The following CELSR1 variants were observed in gnomAD, a reference collection of about 807,000 sequenced individuals.
The protein encoded by CELSR1 is adhesion G protein-coupled receptor C1.
A neutral mutation model predicts 249.1 loss-of-function variants in CELSR1; 110 were observed. The observed-to-expected ratio is 0.44, with a 90% CI of 0.38 to 0.52. The LOEUF is 0.52. CELSR1 is among the 20% of genes least tolerant of loss of function. The probability of loss-of-function intolerance (pLI) is 0.00; values close to 1 mark genes in which losing one functional copy is unlikely to be tolerated. For missense variants in CELSR1, 4,109 were observed against 4,296.4 expected, an observed-to-expected ratio of 0.96 and a Z score of 1.22; for synonymous variants, 2,113 against 1,900.0, an observed-to-expected ratio of 1.11 and a Z score of -2.92.
chr22:46,436,659 GCGCCAGGGCATGGGGACCTGGTA>G lies in CELSR1; in HGVS notation c.4407-393_4407-371del, dbSNP rs1471151686. 6.6e-6 allele frequency among the ~76,000 whole-genome samples: 1 copy of G among 152,128 alleles called. No homozygotes were observed. The highest frequency in any genetic ancestry group is 1.5e-5 in the Non-Finnish European group (1 of 68,038). On this transcript the variant is annotated intron_variant, in intron 3 of 34. Transcript: ENST00000674500. This position sits in a 1 kb window ranked among gnomAD's most constrained non-coding sequence, Gnocchi z 5.9. ...GCTGTGAACAGATCCCCCCGTGTGT[GCGCCAGGGCATGGGGACCTGGTA>G]CCTTCCCAGGCAGGGATGATGCTAT...
intron 2 of CELSR1, among the ~76,000 whole-genome samples, chr22:46,461,969 G>A (rs959447336): frequency 6.6e-6 from 1 of 152,234 alleles, no homozygotes; most frequent in Non-Finnish European, 1.5e-5. Context: ...GGGACCTGGG[G>A]AAGCTGACAC....
At chr22:46,422,513 TCA>T in intron 5 of CELSR1, among the ~76,000 whole-genome samples, 1 of 151,128 alleles carries the variant, frequency 6.6e-6, no homozygotes, top group Non-Finnish European at 1.5e-5. Flanking sequence ...GGGGGGCGGA[TCA>T]CGAGGTCAGG....
At chr22:46,400,522 G>C (rs146818508) in intron 9 of CELSR1, among the ~76,000 whole-genome samples, 3 of 151,686 alleles carry the variant, frequency 2.0e-5, no homozygotes, top group African/African-American at 7.3e-5. Context: ...CTGTAAGCCC[G>C]GCTACTCCGC....
At chr22:46,420,774 G>T (rs1048700935) in intron 5 of CELSR1, among the ~76,000 whole-genome samples, 2 of 152,150 alleles carry the variant, frequency 1.3e-5, no homozygotes, top group African/African-American at 4.8e-5. Flanking sequence ...TTGCCCTGAT[G>T]ACCTTTCTGA....
rs759770097 is a variant in CELSR1, at chr22:46,447,091, G to A, written c.4184-7680C>T. Among the ~76,000 whole-genome samples the A allele has an allele frequency of 4.1e-4, 62 of 152,054 alleles. No homozygotes were observed. The highest frequency in any genetic ancestry group is 7.8e-4 in the Non-Finnish European group (53 of 68,002). On this transcript the variant is annotated intron_variant, in intron 2 of 34. Coordinates refer to ENST00000674500, the MANE Select transcript of CELSR1 (RefSeq NM_001378328.1). The surrounding 1 kb of genome is among the most constrained non-coding windows in gnomAD (Gnocchi z 4.7). ...TGGATTACAGCGCTGTTTAAACAAG[G>A]TAACTGGAGGGGCTGCTCCCCACCA...
chr22:46,455,268 C>T (rs369259005), intron 2 of CELSR1, among the ~76,000 whole-genome samples: 7 of 152,186 alleles, frequency 4.6e-5, no homozygotes, highest in East Asian at 1.9e-4. Flanking sequence ...CTCGCTCTGT[C>T]GCCCAGGCTG....
intron 5 of CELSR1, among the ~76,000 whole-genome samples, chr22:46,421,795 G>C (rs190316318): frequency 2.7e-4 from 41 of 152,380 alleles, no homozygotes; most frequent in African/African-American, 4.8e-4. Flanking sequence ...GACTGCCTTA[G>C]CAGAGGCCCC....
chr22:46,420,297 C>CACTCATGT (rs972039237), intron 5 of CELSR1, among the ~76,000 whole-genome samples: 33 of 146,440 alleles, frequency 2.3e-4, no homozygotes, highest in African/African-American at 8.1e-4. Context: ...CACACTCAGC[C>CACTCATGT]ACTCATGTGC....
In CELSR1 at chr22:46,433,629, C is replaced by G; in HGVS notation, c.4523-148G>C. ...CCCCACGGCACCATGGTGGGAGGCG[C>G]CCACCACTCCATCCATTTTCTTTTC... On this transcript the variant is annotated intron_variant, in intron 4 of 34. Coordinates refer to ENST00000674500, the MANE Select transcript of CELSR1 (RefSeq NM_001378328.1). The surrounding 1 kb of genome is among the most constrained non-coding windows in gnomAD (Gnocchi z 5.7). The G allele has an allele frequency of 1.1e-5, 7 of 608,902 alleles. No individual in the cohort carries two copies. In the South Asian group the frequency reaches 1.4e-4, roughly 12 times the overall value. 37.7% of individuals were successfully genotyped at this position (608,902 alleles called of 1,614,324 possible). A position where few individuals can be genotyped will look rare whatever the true frequency, so the allele number is the denominator to read the frequency against.
intron 24 of CELSR1, among the ~76,000 whole-genome samples, 181 bp from the exon 25 acceptor site, chr22:46,373,238 C>A (rs2078875684): frequency 1.3e-5 from 2 of 152,202 alleles, no homozygotes; most frequent in Non-Finnish European, 2.9e-5. Flanking sequence ...AAATCAACAT[C>A]CACGGAGCAG....
chr22:46,517,596 C>G lies in CELSR1; in HGVS notation c.3544+16031G>C. ...CCGCAAAACACGCCCCTGAGCTTCC[C>G]GTCCTGCACACACAGACGCACCCCT... On this transcript the variant is annotated intron_variant, in intron 1 of 34. Coordinates refer to ENST00000674500, the MANE Select transcript of CELSR1 (RefSeq NM_001378328.1). This position sits in a 1 kb window ranked among gnomAD's most constrained non-coding sequence, Gnocchi z 5.4. 6.6e-6 allele frequency among the ~76,000 whole-genome samples: 1 copy of G among 152,338 alleles called. No homozygotes were observed.
chr22:46,442,582 C>T (rs1245691704), intron 2 of CELSR1, among the ~76,000 whole-genome samples: 3 of 152,254 alleles, frequency 2.0e-5, no homozygotes, highest in Non-Finnish European at 4.4e-5. Context: ...AGGCCAACCT[C>T]AGCCACGGGC....
intron 1 of CELSR1, among the ~76,000 whole-genome samples, chr22:46,489,623 C>A (rs982729785): frequency 6.6e-6 from 1 of 152,114 alleles, no homozygotes; most frequent in African/African-American, 2.4e-5. Flanking sequence ...AGGAAAACGC[C>A]CATCTTTGGC....
intron 19 of CELSR1, among the ~76,000 whole-genome samples, chr22:46,385,621 T>C (rs2079023521): frequency 6.6e-6 from 1 of 151,600 alleles, no homozygotes; most frequent in African/African-American, 2.4e-5. Flanking sequence ...TCACAGACTG[T>C]CTTCCCAAAG....
At chr22:46,376,479 A>G (rs2078919378) in intron 24 of CELSR1, among the ~76,000 whole-genome samples, 1 of 152,122 alleles carries the variant, frequency 6.6e-6, no homozygotes, top group Non-Finnish European at 1.5e-5. Context: ...GGCTCAAGCA[A>G]TTCTCCTGCC....
At chr22:46,400,551 C>T (rs372208385) in intron 9 of CELSR1, among the ~76,000 whole-genome samples, 2 of 151,932 alleles carry the variant, frequency 1.3e-5, no homozygotes, top group South Asian at 2.1e-4. Flanking sequence ...GCAGCAGAAT[C>T]GCTTGAACCT....
intron 24 of CELSR1, among the ~76,000 whole-genome samples, chr22:46,376,803 C>CAAAA (rs71705266): frequency 4.9e-5 from 6 of 122,360 alleles, no homozygotes; most frequent in African/African-American, 5.7e-5. Context: ...GCGAGACTCT[C>CAAAA]AAAAAAAAAA....
At position 46,533,651 on chromosome 22, in the gene CELSR1, C is replaced by A; in HGVS notation, c.3520G>T (p.Ala1174Ser). ...RDLDNNRPLE[A>S]LMEVSVSDGI... ...CCAGACACAGACACCTCCATGAGCGCCTCCAGCGGCCGGTTGTTGTCCAGG... is the reference window on the plus strand; with the variant it reads ...CCAGACACAGACACCTCCATGAGCGACTCCAGCGGCCGGTTGTTGTCCAGG... The change falls in exon 1 of 35, where the codon GCG becomes TCG. Residue 1174 changes from alanine (A) to serine (S), a missense_variant. Ala to Ser is a moderately conservative substitution (Grantham distance 99, BLOSUM62 1). Coordinates refer to ENST00000674500, the MANE Select transcript of CELSR1 (RefSeq NM_001378328.1). 1 of 1,587,974 alleles carries A rather than the reference C, an allele frequency of 6.3e-7. No homozygotes were observed. The highest frequency in any genetic ancestry group is 8.5e-7 in the Non-Finnish European group (1 of 1,170,188).
In CELSR1 at chr22:46,429,910, A is replaced by G. The variant is rs1171803576; in HGVS notation, c.4611+3483T>C. 2.6e-5 allele frequency among the ~76,000 whole-genome samples: 4 copies of G among 152,182 alleles called. No homozygotes were observed. The East Asian group carries it at 5.8e-4, about 22-fold the overall frequency. On this transcript the variant is annotated intron_variant, in intron 5 of 34. Coordinates refer to ENST00000674500, the MANE Select transcript of CELSR1 (RefSeq NM_001378328.1). The surrounding 1 kb of genome is among the most constrained non-coding windows in gnomAD (Gnocchi z 4.1). ...CTGGGTCCCACACCGCCTCTCATGGATGCCCCATGCCCTGCCCAGCCCTTT... is the reference window on the plus strand; with the variant it reads ...CTGGGTCCCACACCGCCTCTCATGGGTGCCCCATGCCCTGCCCAGCCCTTT...
Sources: gnomAD v4.1 joint callset for allele counts (sites outside exome capture counted in the v4.1 genomes callset) on GRCh38, gnomAD v4.1.1 for gene constraint, Gnocchi (gnomAD v3.1) non-coding constraint, MANE v1.5 for transcripts, NCBI Gene and HGNC (gene_info 2026-07-23, HGNC 2026-07-21) for gene names.